TAFA2: variants seen among roughly 807,000 people sequenced by gnomAD.
TAFA2 encodes chemokine-like protein TAFA-2.
TAFA2 carries 7 observed loss-of-function variants against 18.8 expected under a neutral mutation model. The ratio of observed to expected loss-of-function variants is 0.37; its 90% CI spans 0.21 to 0.70. TAFA2 has a LOEUF of 0.70. Ranked by LOEUF, TAFA2 falls within the 30% of genes least tolerant of loss-of-function variation. The pLI is 0.53. For missense variants in TAFA2, 122 were observed against 158.1 expected (o/e 0.77, Z 1.23); for synonymous variants, 60 against 54.2 (o/e 1.11, Z -0.47).
chr12:62,122,258 A>G (rs1410803835), intron 1 of TAFA2, among the ~76,000 whole-genome samples: 13 of 152,212 alleles, frequency 8.5e-5, no homozygotes, highest in Admixed American at 5.9e-4. Context: ...ATTTACCTCA[A>G]TGAATCCGCC....
At chr12:62,244,429 T>C (rs922834872) in intron 1 of TAFA2, among the ~76,000 whole-genome samples, 4 of 152,134 alleles carry the variant, frequency 2.6e-5, no homozygotes, top group Admixed American at 2.6e-4. Context: ...ATTTTTAAGA[T>C]GTGACAATTT....
chr12:62,233,466 T>A (rs147540305), intron 1 of TAFA2, among the ~76,000 whole-genome samples: 2 of 152,268 alleles, frequency 1.3e-5, no homozygotes, highest in African/African-American at 2.4e-5. Flanking sequence ...ACCATTGGAA[T>A]GCACTTCATA....
intron 1 of TAFA2, among the ~76,000 whole-genome samples, chr12:61,890,960 T>C (rs1289973759): frequency 1.3e-5 from 2 of 152,222 alleles, no homozygotes; most frequent in African/African-American, 4.8e-5. Flanking sequence ...TATCCTGGAA[T>C]TTTCTTGCTA....
At chr12:61,742,177 G>A (rs367834163) in intron 4 of TAFA2, among the ~76,000 whole-genome samples, 5 of 152,268 alleles carry the variant, frequency 3.3e-5, no homozygotes, top group South Asian at 2.1e-4. Context: ...TTACAGGCAT[G>A]AGCCACTGTG....
intron 1 of TAFA2, among the ~76,000 whole-genome samples, chr12:61,958,066 T>G (rs1343329685): frequency 1.3e-5 from 2 of 152,098 alleles, no homozygotes; most frequent in South Asian, 2.1e-4. Flanking sequence ...CCTCTCATAT[T>G]TTCTCATATA....
chr12:62,194,760 C>T (rs1322303866), upstream of TAFA2, among the ~76,000 whole-genome samples: 2 of 152,178 alleles, frequency 1.3e-5, no homozygotes, highest in African/African-American at 2.4e-5. Context: ...TTACCTTCTA[C>T]AGGCATGCCT....
chr12:61,806,076 T>G (rs1443540262), intron 2 of TAFA2, among the ~76,000 whole-genome samples: 1 of 152,204 alleles, frequency 6.6e-6, no homozygotes, highest in African/African-American at 2.4e-5. Flanking sequence ...TTCCCCACAT[T>G]GTGTTGTGTC....
At chr12:62,255,161 T>A (rs1325117263) in intron 1 of TAFA2, 3 of 152,192 alleles carry the variant, frequency 2.0e-5, no homozygotes, top group African/African-American at 4.8e-5. Context: ...AGCATATTTT[T>A]AAATGAGTAT....
At chr12:62,209,313 C>G (rs1010315473) in intron 1 of TAFA2, among the ~76,000 whole-genome samples, 10 of 152,158 alleles carry the variant, frequency 6.6e-5, no homozygotes, top group African/African-American at 2.2e-4. Context: ...TTATAAGGGG[C>G]TCTTCCCCCT....
At chr12:61,999,127 C>A (rs1880295461) in intron 1 of TAFA2, among the ~76,000 whole-genome samples, 1 of 152,142 alleles carries the variant, frequency 6.6e-6, no homozygotes, top group Non-Finnish European at 1.5e-5. Context: ...ATAAGAAGAT[C>A]TTAATATGAG....
chr12:62,042,472 T>C (rs1480725415), intron 1 of TAFA2, among the ~76,000 whole-genome samples: 4 of 151,788 alleles, frequency 2.6e-5, no homozygotes, highest in African/African-American at 7.3e-5. Context: ...TGCAAGTATG[T>C]CTCAAAAACT....
At chr12:61,711,200 A>G (rs1869392058) in intron 4 of TAFA2, among the ~76,000 whole-genome samples, 1 of 152,100 alleles carries the variant, frequency 6.6e-6, no homozygotes, top group East Asian at 1.9e-4. Flanking sequence ...ATATACATAC[A>G]TATCTACGTA....
At position 62,231,596 on chromosome 12, in the gene TAFA2, T is replaced by C. The variant is rs187419703; in HGVS notation, c.-130+27167A>G. Reference sequence around the variant, plus strand: ...TTATTATTGATAGGTAAAGACTTACTACTGCTATTTTGTTACATGTTTTTT... The same window carrying C: ...TTATTATTGATAGGTAAAGACTTACCACTGCTATTTTGTTACATGTTTTTT... On this transcript the variant is annotated intron_variant, in intron 1 of 5. Coordinates refer to the TAFA2 transcript ENST00000551619. 2.0e-5 allele frequency among the ~76,000 whole-genome samples: 3 copies of C among 152,368 alleles called. No homozygotes were observed. The South Asian group carries it at 6.2e-4, about 32-fold the overall frequency.
chr12:62,153,921 A>ATTATGTTATGTTATGTTACG (rs2062348415), intron 1 of TAFA2, among the ~76,000 whole-genome samples: 2 of 124,126 alleles, frequency 1.6e-5, no homozygotes, highest in Admixed American at 8.2e-5. Context: ...ACATAACAAA[A>ATTATGTTATGTTATGTTACG]TTATGTTATG....
intron 1 of TAFA2, among the ~76,000 whole-genome samples, chr12:62,218,654 C>A (rs114557730): frequency 6.4e-4 from 98 of 152,232 alleles, no homozygotes; most frequent in African/African-American, 2.0e-3. Context: ...ACTATCTTTA[C>A]GATCTTTATA....
chr12:62,089,270 G>C (rs1333378732), intron 1 of TAFA2, among the ~76,000 whole-genome samples: 3 of 152,062 alleles, frequency 2.0e-5, no homozygotes, highest in Non-Finnish European at 4.4e-5. Context: ...GGGACTGTCA[G>C]TGAATGTTAT....
chr12:61,999,109 T>A (rs12302719), intron 1 of TAFA2, among the ~76,000 whole-genome samples: 28,355 of 152,156 alleles, frequency 0.19, 2,843 homozygotes, highest in Non-Finnish European at 0.23. Context: ...CTGAAAAATA[T>A]ACTGGCCATA....
intron 1 of TAFA2, among the ~76,000 whole-genome samples, chr12:62,219,628 T>A (rs2062752220): frequency 1.3e-5 from 2 of 152,186 alleles, no homozygotes; most frequent in South Asian, 4.1e-4. Context: ...CTTAAAGTTG[T>A]AAGCACTATT....
At chr12:61,927,757 A>G (rs1024952757) in intron 1 of TAFA2, among the ~76,000 whole-genome samples, 6 of 152,228 alleles carry the variant, frequency 3.9e-5, no homozygotes, top group Non-Finnish European at 8.8e-5. Flanking sequence ...TTGACTTCAA[A>G]CTATTCTACA....
Sources: gnomAD v4.1 joint callset for allele counts (sites outside exome capture counted in the v4.1 genomes callset) on GRCh38, gnomAD v4.1.1 for gene constraint, MANE v1.5 for transcripts, NCBI Gene and HGNC (gene_info 2026-07-23, HGNC 2026-07-21) for gene names.